ABR: variants seen among roughly 807,000 people sequenced by gnomAD.
The protein encoded by ABR is ABR activator of RhoGEF and GTPase.
ABR carries 35 observed loss-of-function variants against 107.2 expected under a neutral mutation model. The observed-to-expected ratio is 0.33, with a 90% CI of 0.25 to 0.43. The LOEUF is 0.43. Ranked by LOEUF, ABR falls within the 20% of genes least tolerant of loss-of-function variation. ABR has a pLI of 1.00. For synonymous variants in ABR, 498 were observed against 462.0 expected, an observed-to-expected ratio of 1.08 and a Z score of -1.00; for missense variants, 815 against 1,115.2, an observed-to-expected ratio of 0.73 and a Z score of 3.83.
chr17:1,069,008 T>G (rs1322133088), intron 9 of ABR, among the ~76,000 whole-genome samples: 1 of 152,168 alleles, frequency 6.6e-6, no homozygotes, highest in African/African-American at 2.4e-5. Flanking sequence ...TAGCAGAAAT[T>G]CAGAGATGTC....
intron 16 of ABR, among the ~76,000 whole-genome samples, chr17:1,013,907 C>G (rs1016154761): frequency 2.0e-5 from 3 of 152,198 alleles, no homozygotes; most frequent in African/African-American, 7.2e-5. Context: ...TTCTGTAACT[C>G]GGGGGCCTTC....
At chr17:1,104,120 G>A (rs868403548) in intron 2 of ABR, among the ~76,000 whole-genome samples, 24 of 152,204 alleles carry the variant, frequency 1.6e-4, no homozygotes, top group African/African-American at 5.3e-4. Context: ...CCTCTGCCAC[G>A]CTGCCTACCT....
At chr17:1,087,778 C>T (rs981072731) in intron 4 of ABR, among the ~76,000 whole-genome samples, 21 of 152,158 alleles carry the variant, frequency 1.4e-4, no homozygotes, top group African/African-American at 4.8e-4. Flanking sequence ...CCTGGAGGCC[C>T]GGGTTGGCAC....
chr17:1,220,640 C>A (rs960884252), intron 1 of ABR, among the ~76,000 whole-genome samples: 1 of 152,194 alleles, frequency 6.6e-6, no homozygotes, highest in Non-Finnish European at 1.5e-5. Context: ...CCTGTGACTA[C>A]AACACAGCCC....
intron 3 of ABR, among the ~76,000 whole-genome samples, chr17:1,095,534 C>T (rs1016252325): frequency 5.3e-5 from 8 of 152,150 alleles, no homozygotes; most frequent in African/African-American, 7.2e-5. Flanking sequence ...AGCTTCGGCA[C>T]GGCACAGCCA....
intron 1 of ABR, among the ~76,000 whole-genome samples, chr17:1,216,354 C>T (rs1309485369): frequency 2.0e-5 from 3 of 152,178 alleles, no homozygotes; most frequent in Admixed American, 6.5e-5. Context: ...CCTAGAGTCA[C>T]GCAGGAGTGA....
chr17:1,145,300 C>T (rs1371200470), intron 1 of ABR, among the ~76,000 whole-genome samples: 1 of 152,186 alleles, frequency 6.6e-6, no homozygotes, highest in Admixed American at 6.5e-5. Context: ...GCCAGGAAGT[C>T]CTTCTGACAA....
chr17:1,088,696 C>G (rs1264075976), intron 4 of ABR, among the ~76,000 whole-genome samples: 3 of 151,858 alleles, frequency 2.0e-5, no homozygotes, highest in East Asian at 3.9e-4. Context: ...AGCGATTCTC[C>G]CACCTCAGCC....
At chr17:1,031,784 G>A (rs1489772367) in intron 16 of ABR, 7 of 1,228,274 alleles carry the variant, frequency 5.7e-6, no homozygotes, top group Non-Finnish European at 7.1e-6. Context: ...AGGCGCCTGT[G>A]GAGCGCTCAG....
At chr17:1,032,660 G>GCAGAGGACGCCACGGGCAACCAC (rs1473480086) in intron 16 of ABR, among the ~76,000 whole-genome samples, 14 of 149,056 alleles carry the variant, frequency 9.4e-5, no homozygotes, top group African/African-American at 1.7e-4. Context: ...CGTGCTGGGC[G>GCAGAGGACGCCACGGGCAACCAC]CCTTGAGAGA....
chr17:1,091,464 T>C (rs1449757482), intron 4 of ABR, among the ~76,000 whole-genome samples: 2 of 152,164 alleles, frequency 1.3e-5, no homozygotes, highest in African/African-American at 2.4e-5. Flanking sequence ...CTCCCAGGGC[T>C]GCACCAGGGG....
chr17:1,142,837 G>A (rs1031298805), intron 1 of ABR, among the ~76,000 whole-genome samples: 1 of 152,176 alleles, frequency 6.6e-6, no homozygotes, highest in African/African-American at 2.4e-5. Context: ...GGCCTGGCCT[G>A]TAGCAGCCAC....
upstream of ABR, among the ~76,000 whole-genome samples, chr17:1,188,805 G>A (rs192823768): frequency 2.1e-3 from 317 of 152,198 alleles, 1 homozygote; most frequent in African/African-American, 7.1e-3. Context: ...CTTCATAAAC[G>A]TAGGGGTGGA....
chr17:1,214,807 A>T (rs982778899), intron 1 of ABR, among the ~76,000 whole-genome samples: 10 of 151,324 alleles, frequency 6.6e-5, no homozygotes, highest in South Asian at 2.1e-4. Context: ...ACCTCAAAGA[A>T]AAAAATATAT....
At chr17:1,149,237 A>G (rs1176984170) in intron 1 of ABR, among the ~76,000 whole-genome samples, 1 of 151,876 alleles carries the variant, frequency 6.6e-6, no homozygotes. Flanking sequence ...ATAGAATAAA[A>G]TCTAAATTTA....
chr17:1,069,925 C>T (rs775776450), intron 9 of ABR, 44 bp downstream of exon 9: 35 of 1,282,302 alleles, frequency 2.7e-5, no homozygotes, highest in African/African-American at 2.1e-4. Flanking sequence ...CGCAGAGGTC[C>T]GGACCCCCTC....
chr17:1,048,909 C>T (rs2032089464), intron 16 of ABR, among the ~76,000 whole-genome samples: 1 of 152,244 alleles, frequency 6.6e-6, no homozygotes, highest in South Asian at 2.1e-4. Context: ...TACCGTCTCC[C>T]TTCATTTCAT....
intron 1 of ABR, among the ~76,000 whole-genome samples, chr17:1,145,468 A>T (rs1597965281): frequency 6.6e-6 from 1 of 152,136 alleles, no homozygotes; most frequent in East Asian, 1.9e-4. Context: ...GGGAAATGCC[A>T]CTCAGCCCCA....
chr17:1,008,888 T>C (rs1022955165), intron 21 of ABR, among the ~76,000 whole-genome samples: 2 of 152,196 alleles, frequency 1.3e-5, no homozygotes, highest in Admixed American at 1.3e-4. Context: ...TGGTTGGACC[T>C]GACTAGAAAG....
Sources: allele counts gnomAD v4.1 joint callset (sites outside exome capture counted in the v4.1 genomes callset), GRCh38; gene constraint gnomAD v4.1.1; transcripts MANE v1.5; gene names NCBI Gene and HGNC (gene_info 2026-07-23, HGNC 2026-07-21).